FGGY: variants seen among roughly 807,000 people sequenced by gnomAD.
FGGY encodes the protein FGGY carbohydrate kinase domain-containing protein.
A neutral mutation model predicts 71.3 loss-of-function variants in FGGY; 72 were observed. That is an observed-to-expected ratio of 1.01 (90% CI 0.84 to 1.23). FGGY has a LOEUF of 1.23. Ranked by LOEUF, FGGY falls within the 50% of genes most tolerant of loss-of-function variation. The pLI, the probability that FGGY is intolerant of heterozygous loss-of-function variation, is 0.00. For synonymous variants in FGGY, 251 were observed against 250.3 expected, an observed-to-expected ratio of 1.00 and a Z score of -0.02; for missense variants, 668 against 682.3, an observed-to-expected ratio of 0.98 and a Z score of 0.23.
chr1:59,411,242 G>C (rs542691665), intron 5 of FGGY, among the ~76,000 whole-genome samples: 1 of 152,326 alleles, frequency 6.6e-6, no homozygotes, highest in East Asian at 1.9e-4. Flanking sequence ...CTTTGGGTTG[G>C]TCTGATGTTT....
chr1:59,583,130 A>C lies in FGGY; in HGVS notation c.904-24673A>C, dbSNP rs920339551. Among the ~76,000 whole-genome samples, 3 of 143,220 alleles carry C rather than the reference A, an allele frequency of 2.1e-5. 1 individual carries two copies. The highest frequency in any genetic ancestry group is 8.2e-5 in the African/African-American group (3 of 36,536). 94.0% of individuals were successfully genotyped at this position (143,220 alleles called of 152,430 possible). A position where few individuals can be genotyped will look rare whatever the true frequency, so the allele number is the denominator to read the frequency against. On this transcript the variant is annotated intron_variant, in intron 8 of 15. Coordinates refer to ENST00000303721, the MANE Select transcript of FGGY (RefSeq NM_018291.5). The stretch of plus-strand genomic sequence containing the variant: ...TAGTATCTGGTCACTGCCACTAAGG[A>C]AAAATAAATGCCTGCAGGTCCTTTT...
intron 14 of FGGY, among the ~76,000 whole-genome samples, chr1:59,735,729 C>T (rs2098095892): frequency 6.6e-6 from 1 of 152,174 alleles, no homozygotes; most frequent in African/African-American, 2.4e-5. Flanking sequence ...TCTCTGTCTC[C>T]AGAGTTTCTG....
chr1:59,334,446 C>T (rs2049083680), intron 2 of FGGY, among the ~76,000 whole-genome samples: 1 of 152,154 alleles, frequency 6.6e-6, no homozygotes, highest in Non-Finnish European at 1.5e-5. Context: ...ACCCGGCCCC[C>T]ACTTGTTTTT....
At chr1:59,366,204 G>C in intron 4 of FGGY, among the ~76,000 whole-genome samples, 1 of 152,152 alleles carries the variant, frequency 6.6e-6, no homozygotes, top group East Asian at 1.9e-4. Context: ...TAGGGGAAAG[G>C]GATGCATATA....
intron 1 of FGGY, among the ~76,000 whole-genome samples, chr1:59,297,719 A>C (rs758386783): frequency 7.3e-5 from 11 of 151,564 alleles, no homozygotes. Context: ...GCTTCTCGGG[A>C]GGCTGAGGCA....
At chr1:59,330,904 G>A (rs984712182) in intron 2 of FGGY, among the ~76,000 whole-genome samples, 7 of 152,048 alleles carry the variant, frequency 4.6e-5, no homozygotes, top group Admixed American at 1.3e-4. Flanking sequence ...AGAATGGCTG[G>A]CAGAGAAGAA....
intron 7 of FGGY, among the ~76,000 whole-genome samples, chr1:59,517,351 C>T (rs979700976): frequency 6.7e-6 from 1 of 148,356 alleles, no homozygotes; most frequent in African/African-American, 2.5e-5. Context: ...CTGCAAGCTC[C>T]GCCTCCCGGG....
intron 14 of FGGY, among the ~76,000 whole-genome samples, chr1:59,702,205 C>T (rs961962473): frequency 9.9e-5 from 15 of 152,140 alleles, no homozygotes; most frequent in African/African-American, 1.7e-4. Flanking sequence ...GTTCCTCCCT[C>T]AACATACGGG....
At chr1:59,337,381 C>G (rs1460192056) in intron 2 of FGGY, among the ~76,000 whole-genome samples, 2 of 151,990 alleles carry the variant, frequency 1.3e-5, no homozygotes, top group Non-Finnish European at 1.5e-5. Flanking sequence ...CTGAGTATCC[C>G]CCTTGTTCCA....
At chr1:59,650,141 A>G (rs2097142481) in intron 11 of FGGY, among the ~76,000 whole-genome samples, 1 of 147,946 alleles carries the variant, frequency 6.8e-6, no homozygotes, top group African/African-American at 2.7e-5. Flanking sequence ...GTGCTGCTGG[A>G]TTTGGTTTGC....
intron 6 of FGGY, among the ~76,000 whole-genome samples, chr1:59,506,912 T>C (rs1433246582): frequency 6.6e-6 from 1 of 152,224 alleles, no homozygotes; most frequent in Non-Finnish European, 1.5e-5. Flanking sequence ...ACCTATTTTC[T>C]GTATTTTTTT....
chr1:59,474,424 T>C (rs1327608729), intron 6 of FGGY, among the ~76,000 whole-genome samples: 2 of 152,218 alleles, frequency 1.3e-5, no homozygotes, highest in Non-Finnish European at 2.9e-5. Context: ...GTGAATTTCC[T>C]TGGTCCTGCA....
intron 8 of FGGY, among the ~76,000 whole-genome samples, chr1:59,593,422 C>G (rs1464318873): frequency 6.6e-6 from 1 of 152,210 alleles, no homozygotes; most frequent in African/African-American, 2.4e-5. Flanking sequence ...ATTTTATTTT[C>G]ACATCTGCTC....
At chr1:59,567,752 G>A (rs1385182446) in intron 8 of FGGY, among the ~76,000 whole-genome samples, 1 of 151,422 alleles carries the variant, frequency 6.6e-6, no homozygotes, top group African/African-American at 2.4e-5. Flanking sequence ...ACACCAAATT[G>A]CTTGGACCTG....
intron 11 of FGGY, among the ~76,000 whole-genome samples, chr1:59,656,945 G>T (rs74086280): frequency 8.5e-5 from 13 of 152,070 alleles, no homozygotes; most frequent in African/African-American, 2.2e-4. Context: ...TTATCCTCCC[G>T]TTTCTGCTCT....
chr1:59,512,135 A>G (rs1314429499), intron 6 of FGGY, among the ~76,000 whole-genome samples, 176 bp from the exon 7 acceptor site: 1 of 152,240 alleles, frequency 6.6e-6, no homozygotes, highest in African/African-American at 2.4e-5. Context: ...ATAGGTACCA[A>G]GCACGTACAC....
At chr1:59,378,426 A>G (rs1290568921) in intron 4 of FGGY, among the ~76,000 whole-genome samples, 1 of 151,488 alleles carries the variant, frequency 6.6e-6, no homozygotes, top group Non-Finnish European at 1.5e-5. Context: ...CATTAAACCT[A>G]TTTTTCTTTA....
At chr1:59,432,464 T>A (rs893743644) in intron 5 of FGGY, among the ~76,000 whole-genome samples, 4 of 151,282 alleles carry the variant, frequency 2.6e-5, no homozygotes, top group African/African-American at 9.8e-5. Context: ...CTGTGTGATC[T>A]GCCCTTACTC....
chr1:59,354,073 A>C (rs77039861), intron 4 of FGGY, among the ~76,000 whole-genome samples: 3,720 of 148,006 alleles, frequency 0.025, 176 homozygotes, highest in African/African-American at 0.09. Context: ...TAATTATTGT[A>C]TTTTTCTTTT....
Sources: gnomAD v4.1 joint callset for allele counts (sites outside exome capture counted in the v4.1 genomes callset) on GRCh38, gnomAD v4.1.1 for gene constraint, MANE v1.5 for transcripts, NCBI Gene and HGNC (gene_info 2026-07-23, HGNC 2026-07-21) for gene names.